GULP1: variants seen among roughly 807,000 people sequenced by gnomAD.
GULP1 encodes PTB domain-containing engulfment adapter protein 1.
In GULP1, 19 loss-of-function variants were observed where a neutral mutation model predicts 40.9. The ratio of observed to expected loss-of-function variants is 0.46; its 90% CI spans 0.32 to 0.68. The LOEUF (loss-of-function observed/expected upper bound fraction) is 0.68. Ranked by LOEUF, GULP1 falls within the 30% of genes least tolerant of loss-of-function variation. GULP1 has a pLI of 0.03. For missense variants in GULP1, 312 were observed against 362.2 expected (o/e 0.86, Z 1.12); for synonymous variants, 119 against 117.6 (o/e 1.01, Z -0.08).
At chr2:188,378,342 AGGT>A (rs1189313109) in intron 1 of GULP1, among the ~76,000 whole-genome samples, 1 of 152,146 alleles carries the variant, frequency 6.6e-6, no homozygotes, top group Non-Finnish European at 1.5e-5. Flanking sequence ...AAAAATTATA[AGGT>A]GGCATGTTAC....
chr2:188,571,641 C>G (rs193106545), intron 9 of GULP1, among the ~76,000 whole-genome samples: 1 of 152,128 alleles, frequency 6.6e-6, no homozygotes, highest in Non-Finnish European at 1.5e-5. Context: ...TTGCCTCTCT[C>G]GCTGCTAGGG....
chr2:188,580,072 C>G (rs1700948194), intron 9 of GULP1, among the ~76,000 whole-genome samples: 1 of 151,910 alleles, frequency 6.6e-6, no homozygotes, highest in Admixed American at 6.6e-5. Flanking sequence ...ATCATTTACA[C>G]TAATGTGTTA....
chr2:188,292,853 G>C lies in GULP1; in HGVS notation c.-172+687G>C, dbSNP rs1077658. On this transcript the variant is annotated intron_variant, in intron 1 of 11. Coordinates refer to ENST00000409830, the MANE Select transcript of GULP1 (RefSeq NM_016315.4). The surrounding 1 kb of genome is among the most constrained non-coding windows in gnomAD (Gnocchi z 4.0). ...CTTCTGGAGGGCGCAAGGCGCGGCG[G>C]GGGTGATGAGCCCTTGGGTTCTCGC... The C allele has an allele frequency of 0.045, 6,933 of 152,892 alleles. 248 individuals carry two copies. The highest frequency in any genetic ancestry group is 0.15 in the East Asian group (786 of 5,174). The allele number at this position is 152,892 out of a possible 1,614,324, so 9.5% of individuals were successfully genotyped here.
intron 1 of GULP1, among the ~76,000 whole-genome samples, chr2:188,360,887 A>G (rs2045981537): frequency 6.6e-6 from 1 of 152,126 alleles, no homozygotes; most frequent in South Asian, 2.1e-4. Flanking sequence ...ATTTTAATAT[A>G]TAATAAATAG....
chr2:188,386,178 A>G (rs1288789481), intron 2 of GULP1, among the ~76,000 whole-genome samples: 2 of 152,220 alleles, frequency 1.3e-5, no homozygotes, highest in East Asian at 1.9e-4. Flanking sequence ...AGACCTCACA[A>G]CCATGGAAGA....
At chr2:188,494,886 C>A (rs757961413) in intron 4 of GULP1, among the ~76,000 whole-genome samples, 5 of 151,952 alleles carry the variant, frequency 3.3e-5, no homozygotes, top group Non-Finnish European at 7.4e-5. Flanking sequence ...TACACAGACT[C>A]CACTATACTT....
chr2:188,445,912 T>C (rs1159449821), intron 2 of GULP1, among the ~76,000 whole-genome samples: 1 of 152,198 alleles, frequency 6.6e-6, no homozygotes, highest in Non-Finnish European at 1.5e-5. Flanking sequence ...AGGATTTAAC[T>C]TCAGCCTCTG....
intron 3 of GULP1, among the ~76,000 whole-genome samples, chr2:188,482,711 G>T (rs1394822082): frequency 6.6e-6 from 1 of 150,706 alleles, no homozygotes; most frequent in Non-Finnish European, 1.5e-5. Flanking sequence ...TAAATAACAA[G>T]ATATAAATAA....
chr2:188,565,508 ATAT>A (rs2153422695), intron 7 of GULP1, among the ~76,000 whole-genome samples: 1 of 152,164 alleles, frequency 6.6e-6, no homozygotes, highest in Non-Finnish European at 1.5e-5. Flanking sequence ...CTCATCCAAT[ATAT>A]TGTCTCAAAT....
chr2:188,405,806 T>C (rs1406472710), intron 2 of GULP1, among the ~76,000 whole-genome samples: 1 of 152,186 alleles, frequency 6.6e-6, no homozygotes, highest in Non-Finnish European at 1.5e-5. Flanking sequence ...GGCTGATTGG[T>C]GAAGGCTTAC....
At position 188,570,019 on chromosome 2, in the gene GULP1, T is replaced by C; in HGVS notation, c.517-9T>C. ...ACAGAAAGTTATTCAATAATGATTT[T>C]CTTTTTAGATCCAAGACTTAGAAAC... On this transcript the variant is annotated splice_polypyrimidine_tract_variant and intron_variant, in intron 8 of 11. Transcript: ENST00000409830. The C allele has an allele frequency of 9.6e-7, 1 of 1,044,542 alleles. No individual in the cohort carries two copies. Among genetic ancestry groups the C allele is most frequent in the Non-Finnish European group, 1.4e-6 (1 of 692,930 alleles). The allele number at this position is 1,044,542 out of a possible 1,614,324, so 64.7% of individuals were successfully genotyped here. A position where few individuals can be genotyped will look rare whatever the true frequency, so the allele number is the denominator to read the frequency against.
chr2:188,352,731 A>G (rs1418445880), intron 1 of GULP1, among the ~76,000 whole-genome samples: 2 of 151,870 alleles, frequency 1.3e-5, no homozygotes, highest in Non-Finnish European at 2.9e-5. Flanking sequence ...TGTTTCAGTA[A>G]GATTTCAATT....
intron 2 of GULP1, among the ~76,000 whole-genome samples, chr2:188,461,695 G>T (rs1251834487): frequency 6.6e-6 from 1 of 152,054 alleles, no homozygotes; most frequent in African/African-American, 2.4e-5. Flanking sequence ...TTGGTAGGTT[G>T]TATGTGTCTA....
chr2:188,484,829 C>T (rs2061726729), intron 4 of GULP1, among the ~76,000 whole-genome samples: 1 of 152,000 alleles, frequency 6.6e-6, no homozygotes. Flanking sequence ...GACTTACCAG[C>T]AAAGAAATCT....
At chr2:188,540,386 T>G (rs1690143124) in intron 6 of GULP1, among the ~76,000 whole-genome samples, 1 of 151,726 alleles carries the variant, frequency 6.6e-6, no homozygotes, top group Non-Finnish European at 1.5e-5. Context: ...ATAAATATTT[T>G]TATTTTAATG....
At chr2:188,350,524 A>G (rs1243686949) in intron 1 of GULP1, among the ~76,000 whole-genome samples, 1 of 151,962 alleles carries the variant, frequency 6.6e-6, no homozygotes, top group African/African-American at 2.4e-5. Context: ...ACTGATTTTT[A>G]TATATACATT....
intron 1 of GULP1, among the ~76,000 whole-genome samples, chr2:188,337,932 T>A (rs1204213948): frequency 6.6e-6 from 1 of 152,140 alleles, no homozygotes; most frequent in Non-Finnish European, 1.5e-5. Flanking sequence ...AAGCACTAGA[T>A]CCATGAGATT....
chr2:188,374,638 C>T (rs1191883347), intron 1 of GULP1, among the ~76,000 whole-genome samples: 1 of 151,914 alleles, frequency 6.6e-6, no homozygotes, highest in Non-Finnish European at 1.5e-5. Context: ...TTTATTTTAA[C>T]TTATTCCACA....
At chr2:188,317,560 AGTCT>A (rs1189241856) in intron 1 of GULP1, among the ~76,000 whole-genome samples, 1 of 152,044 alleles carries the variant, frequency 6.6e-6, no homozygotes, top group East Asian at 1.9e-4. Flanking sequence ...ATTATGGTGC[AGTCT>A]GTCAAATGTT....
Sources: allele counts gnomAD v4.1 joint callset (sites outside exome capture counted in the v4.1 genomes callset), GRCh38; gene constraint gnomAD v4.1.1; non-coding constraint Gnocchi (gnomAD v3.1); transcripts MANE v1.5; gene names NCBI Gene and HGNC (gene_info 2026-07-23, HGNC 2026-07-21).